Variants in CUX1 observed in about 807,000 individuals in gnomAD.
CUX1 encodes the protein cut like homeobox 1, also known as protein CASP.
In CUX1, 31 loss-of-function variants were observed where a neutral mutation model predicts 158.8. The observed-to-expected ratio is 0.20, with a 90% CI of 0.15 to 0.26. CUX1 has a LOEUF of 0.26. CUX1 is among the 10% of genes least tolerant of loss of function. The pLI is 1.00. For missense variants in CUX1, 1,589 were observed against 2,014.6 expected (o/e 0.79, Z 4.04); for synonymous variants, 879 against 862.1 (o/e 1.02, Z -0.34).
Position 101,888,055 on chromosome 7 carries a change from C to T in CUX1, c.31-28060C>T, listed in dbSNP as rs114755639. ...TGAGTTCCATAAACATTATTGAGGC[C>T]GGGTGTGGTGGCTCACGCCTGTAAT... On this transcript the variant is annotated intron_variant, in intron 1 of 23. Coordinates refer to ENST00000292535, the MANE Select transcript of CUX1 (RefSeq NM_181552.4). 8.2e-3 allele frequency among the ~76,000 whole-genome samples: 1,249 copies of T among 152,060 alleles called. 21 individuals carry two copies. The highest frequency in any genetic ancestry group is 0.029 in the African/African-American group (1,191 of 41,496).
chr7:102,282,244 A>T (rs1194671317), intron 21 of CUX1, among the ~76,000 whole-genome samples: 1 of 152,180 alleles, frequency 6.6e-6, no homozygotes, highest in Non-Finnish European at 1.5e-5. Flanking sequence ...AACTCCACCA[A>T]GGGACAGTCA....
At chr7:102,172,357 C>T (rs1183387697) in intron 10 of CUX1, among the ~76,000 whole-genome samples, 1 of 152,136 alleles carries the variant, frequency 6.6e-6, no homozygotes, top group African/African-American at 2.4e-5. Flanking sequence ...GCTGGGGTTA[C>T]AGGCATGAGC....
At chr7:102,061,504 T>C (rs1466865326) in intron 3 of CUX1, among the ~76,000 whole-genome samples, 14 of 152,310 alleles carry the variant, frequency 9.2e-5, no homozygotes, top group South Asian at 6.2e-4. Context: ...GCTTTGATCT[T>C]GACAGCAACC....
At chr7:102,260,569 G>A (rs1554543618), downstream of CUX1, among the ~76,000 whole-genome samples, 1 of 79,960 alleles carries the variant, frequency 1.3e-5, no homozygotes, top group Non-Finnish European at 2.4e-5. Context: ...ACCACACCTG[G>A]CTTTTTTTTT....
intron 2 of CUX1, among the ~76,000 whole-genome samples, chr7:101,997,436 T>A (rs1204303282): frequency 6.6e-6 from 1 of 152,192 alleles, no homozygotes; most frequent in Non-Finnish European, 1.5e-5. Flanking sequence ...CTCCGCCTCT[T>A]GGGTTCAAGA....
At chr7:102,178,193 C>G (rs1384921359) in intron 10 of CUX1, among the ~76,000 whole-genome samples, 2 of 152,226 alleles carry the variant, frequency 1.3e-5, no homozygotes, top group African/African-American at 4.8e-5. Flanking sequence ...TGAGCCATTG[C>G]ACCCAGCCTG....
chr7:102,217,632 G>C (rs1422372507), intron 20 of CUX1, among the ~76,000 whole-genome samples: 2 of 151,652 alleles, frequency 1.3e-5, no homozygotes, highest in Admixed American at 6.6e-5. Flanking sequence ...TGTCTAGAGG[G>C]AGGGAGGCTC....
chr7:102,005,712 C>T (rs1189721687), intron 2 of CUX1, among the ~76,000 whole-genome samples: 1 of 152,160 alleles, frequency 6.6e-6, no homozygotes, highest in Non-Finnish European at 1.5e-5. Context: ...TTCCCCTCCT[C>T]TGTCTACTCC....
In CUX1 at chr7:102,250,421, G is replaced by C; in HGVS notation, c.*1379G>C. ...GATGAACTGAGCCCTCCCAGGGGAA[G>C]ACACTCCCCAGGCCTGGGCAGGGCT... On this transcript the variant is annotated 3_prime_UTR_variant, in exon 24 of 24. Transcript: ENST00000292535. 4.1e-6 allele frequency: 4 copies of C among 985,474 alleles called. No individual in the cohort carries two copies. The highest frequency in any genetic ancestry group is 4.8e-6 in the Non-Finnish European group (4 of 829,986). The allele number at this position is 985,474 out of a possible 1,614,324, so 61.0% of individuals were successfully genotyped here.
chr7:102,197,898 T>C (rs1794960523), intron 15 of CUX1, among the ~76,000 whole-genome samples: 1 of 152,144 alleles, frequency 6.6e-6, no homozygotes, highest in Non-Finnish European at 1.5e-5. Flanking sequence ...AAAAGTTTTA[T>C]TTAAGCACCC....
intron 20 of CUX1, among the ~76,000 whole-genome samples, chr7:102,211,788 A>C (rs1796563963): frequency 6.6e-6 from 1 of 150,978 alleles, no homozygotes; most frequent in Non-Finnish European, 1.5e-5. Flanking sequence ...TAAAAAAAAA[A>C]AAAAAAAAAA....
chr7:101,853,958 G>A (rs1037369202), intron 1 of CUX1, among the ~76,000 whole-genome samples: 2 of 152,210 alleles, frequency 1.3e-5, no homozygotes, highest in African/African-American at 2.4e-5. Flanking sequence ...CCTGCAGCTC[G>A]AATGAGCTTG....
chr7:102,097,903 G>A (rs1554484884), intron 5 of CUX1, among the ~76,000 whole-genome samples: 2 of 152,196 alleles, frequency 1.3e-5, no homozygotes, highest in African/African-American at 4.8e-5. Context: ...GATACATTAA[G>A]GCTTCAGACA....
intron 2 of CUX1, among the ~76,000 whole-genome samples, chr7:101,949,116 A>C (rs1326775520): frequency 1.3e-5 from 2 of 152,168 alleles, no homozygotes; most frequent in Non-Finnish European, 2.9e-5. Context: ...ATTGTTTGAC[A>C]AACATTGGTC....
intron 2 of CUX1, among the ~76,000 whole-genome samples, chr7:101,979,838 T>G (rs58306074): frequency 6.6e-6 from 1 of 152,286 alleles, no homozygotes; most frequent in East Asian, 1.9e-4. Context: ...TTAATAGAGA[T>G]AGGGTTTTAC....
intron 2 of CUX1, among the ~76,000 whole-genome samples, chr7:101,994,746 T>C (rs1270552712): frequency 1.3e-5 from 2 of 151,964 alleles, no homozygotes; most frequent in African/African-American, 4.8e-5. Flanking sequence ...AAGGTCTTGG[T>C]TTAATTTCTG....
intron 2 of CUX1, among the ~76,000 whole-genome samples, chr7:102,006,460 G>A (rs1817390856): frequency 6.6e-6 from 1 of 152,002 alleles, no homozygotes; most frequent in South Asian, 2.1e-4. Context: ...GAAATGGCAC[G>A]ATATCGGCTC....
chr7:101,936,623 C>G (rs898663936), intron 2 of CUX1, among the ~76,000 whole-genome samples: 1 of 152,160 alleles, frequency 6.6e-6, no homozygotes, highest in Non-Finnish European at 1.5e-5. Context: ...TCATGCCCGG[C>G]TGCCGTGGGT....
chr7:102,021,078 C>G (rs776907539), intron 2 of CUX1, among the ~76,000 whole-genome samples: 1 of 151,922 alleles, frequency 6.6e-6, no homozygotes, highest in Non-Finnish European at 1.5e-5. Context: ...TCAAGTCTTT[C>G]AGAAGTGACC....
Sources: allele counts gnomAD v4.1 joint callset (sites outside exome capture counted in the v4.1 genomes callset), GRCh38; gene constraint gnomAD v4.1.1; transcripts MANE v1.5; gene names NCBI Gene and HGNC (gene_info 2026-07-23, HGNC 2026-07-21).